Variants in FHIT observed in about 807,000 individuals in gnomAD.
The protein encoded by FHIT is bis(5'-adenosyl)-triphosphatase.
FHIT carries 19 observed loss-of-function variants against 17.9 expected under a neutral mutation model. The observed-to-expected ratio is 1.06, with a 90% CI of 0.74 to 1.56. The LOEUF is 1.56. FHIT is among the 40% of genes most tolerant of loss of function. The pLI is 0.00. For synonymous variants in FHIT, 81 were observed against 69.7 expected (o/e 1.16, Z -0.81); for missense variants, 248 against 189.2 (o/e 1.31, Z -1.82).
intron 8 of FHIT, among the ~76,000 whole-genome samples, chr3:59,921,748 G>A (rs570547641): frequency 3.3e-5 from 5 of 152,346 alleles, no homozygotes; most frequent in Admixed American, 6.5e-5. Context: ...GGCTTTAGGC[G>A]CAGATCACCT....
intron 5 of FHIT, among the ~76,000 whole-genome samples, chr3:60,078,607 G>T (rs1007963961): frequency 1.3e-5 from 2 of 152,096 alleles, no homozygotes; most frequent in Non-Finnish European, 2.9e-5. Context: ...TTTCCATAAG[G>T]TCTGCAGACC....
At chr3:60,932,289 T>C (rs2107371876) in intron 3 of FHIT, among the ~76,000 whole-genome samples, 1 of 152,252 alleles carries the variant, frequency 6.6e-6, no homozygotes, top group East Asian at 1.9e-4. Flanking sequence ...AGTTTAAGTA[T>C]CCAAGCTGGT....
chr3:60,333,018 A>G (rs536235505), intron 5 of FHIT, among the ~76,000 whole-genome samples: 1 of 152,360 alleles, frequency 6.6e-6, no homozygotes, highest in Non-Finnish European at 1.5e-5. Flanking sequence ...GTAATAAAGT[A>G]TAAATGAGAA....
intron 4 of FHIT, among the ~76,000 whole-genome samples, chr3:60,573,376 TC>T (rs1553656413): frequency 6.6e-6 from 1 of 152,184 alleles, no homozygotes; most frequent in Non-Finnish European, 1.5e-5. Context: ...GTAGATGCTT[TC>T]CTCACAAATG....
chr3:60,536,701 G>A, intron 5 of FHIT, 159 bp downstream of exon 5: 1 of 643,732 alleles, frequency 1.6e-6, no homozygotes, highest in Non-Finnish European at 2.4e-6. Flanking sequence ...GAATAAATAT[G>A]AGTAACATCT....
At chr3:60,914,788 T>C (rs9311788) in intron 3 of FHIT, among the ~76,000 whole-genome samples, 105,782 of 152,096 alleles carry the variant, frequency 0.7, 37,140 homozygotes, top group East Asian at 0.93. Context: ...ATAAATTTTA[T>C]TATACCTTGT....
chr3:61,146,383 T>G (rs560121646), intron 2 of FHIT, among the ~76,000 whole-genome samples: 7 of 152,148 alleles, frequency 4.6e-5, no homozygotes, highest in African/African-American at 1.4e-4. Context: ...CAGGGTTTAG[T>G]GCACAATATG....
intron 4 of FHIT, among the ~76,000 whole-genome samples, chr3:60,664,711 T>G (rs1264823414): frequency 2.6e-5 from 4 of 151,206 alleles, no homozygotes; most frequent in Non-Finnish European, 5.9e-5. Flanking sequence ...TTAGCTAGTT[T>G]TTTTTTTTTT....
chr3:60,206,460 G>C (rs76154666), intron 5 of FHIT, among the ~76,000 whole-genome samples: 1 of 151,836 alleles, frequency 6.6e-6, no homozygotes, highest in Admixed American at 6.6e-5. Context: ...AGCAGGCCAC[G>C]ATTTATTGCC....
At chr3:60,671,757 T>C (rs1333054251) in intron 4 of FHIT, among the ~76,000 whole-genome samples, 4 of 143,386 alleles carry the variant, frequency 2.8e-5, no homozygotes, top group Admixed American at 2.1e-4. Context: ...CTGACCAACA[T>C]GGTGAAACCC....
intron 5 of FHIT, among the ~76,000 whole-genome samples, chr3:60,461,599 T>G (rs771784334): frequency 3.5e-4 from 53 of 152,204 alleles, no homozygotes; most frequent in Non-Finnish European, 6.9e-4. Context: ...GTCCCTGACA[T>G]CACCACTTGA....
chr3:59,877,629 C>T (rs962459859), intron 8 of FHIT, among the ~76,000 whole-genome samples: 1 of 152,062 alleles, frequency 6.6e-6, no homozygotes, highest in Non-Finnish European at 1.5e-5. Flanking sequence ...GAGGCTTGGG[C>T]TATGATCATC....
In FHIT at chr3:60,105,363, A is replaced by C. The variant is rs566378694; in HGVS notation, c.104-91211T>G. On this transcript the variant is annotated intron_variant, in intron 5 of 9. Coordinates refer to ENST00000492590, the MANE Select transcript of FHIT (RefSeq NM_002012.4). The stretch of plus-strand genomic sequence containing the variant: ...ACACAAAATCTCTCGATAATTTTGC[A>C]TATAATACAGTTTTTGTGCTCTATG... 5.9e-5 allele frequency among the ~76,000 whole-genome samples: 9 copies of C among 152,342 alleles called. No individual in the cohort carries two copies. The East Asian group carries it at 1.7e-3, about 29-fold the overall frequency.
intron 5 of FHIT, among the ~76,000 whole-genome samples, chr3:60,099,955 T>C (rs1431353074): frequency 6.6e-6 from 1 of 152,184 alleles, no homozygotes; most frequent in Admixed American, 6.5e-5. Flanking sequence ...AAGTGCTCCG[T>C]AAATGGTTGT....
chr3:60,998,644 G>C (rs1048920883), intron 3 of FHIT, among the ~76,000 whole-genome samples: 3 of 151,990 alleles, frequency 2.0e-5, no homozygotes, highest in African/African-American at 7.3e-5. Flanking sequence ...AGAGTTAAAA[G>C]CTTGATTTAA....
chr3:60,547,468 C>T (rs2036405396), intron 4 of FHIT, among the ~76,000 whole-genome samples: 1 of 152,176 alleles, frequency 6.6e-6, no homozygotes. Flanking sequence ...AAAAAGGTCT[C>T]ACATTTCTAG....
chr3:60,615,876 G>A (rs1399913916), intron 4 of FHIT, among the ~76,000 whole-genome samples: 1 of 152,224 alleles, frequency 6.6e-6, no homozygotes, highest in African/African-American at 2.4e-5. Context: ...GATGGTTCGA[G>A]TGAAGTTTAC....
chr3:59,913,127 T>C, intron 8 of FHIT, among the ~76,000 whole-genome samples: 1 of 152,184 alleles, frequency 6.6e-6, no homozygotes, highest in East Asian at 1.9e-4. Flanking sequence ...GTCATTTCTT[T>C]CACTGTAAGT....
intron 4 of FHIT, among the ~76,000 whole-genome samples, chr3:60,820,177 G>A (rs541509983): frequency 1.1e-4 from 16 of 151,844 alleles, no homozygotes; most frequent in East Asian, 5.8e-4. Flanking sequence ...GCCTGGTGGC[G>A]GGCGCTTGTA....
Sources: allele counts gnomAD v4.1 joint callset (sites outside exome capture counted in the v4.1 genomes callset), GRCh38; gene constraint gnomAD v4.1.1; transcripts MANE v1.5; gene names NCBI Gene and HGNC (gene_info 2026-07-23, HGNC 2026-07-21).